Variants in AK3 observed in about 807,000 individuals in gnomAD.
The protein encoded by AK3 is adenylate kinase 3, also known as GTP:AMP phosphotransferase AK3, mitochondrial.
AK3 carries 27 observed loss-of-function variants against 23.7 expected under a neutral mutation model. The ratio of observed to expected loss-of-function variants is 1.14; its 90% CI spans 0.84 to 1.57. The LOEUF is 1.57. Among genes scored for constraint, AK3 ranks in the 40% most tolerant of loss-of-function variants. The pLI, the probability that AK3 is intolerant of heterozygous loss-of-function variation, is 0.00. For synonymous variants in AK3, 159 were observed against 116.0 expected (o/e 1.37, Z -2.38); for missense variants, 406 against 285.6 (o/e 1.42, Z -3.04).
chr9:4,741,567 G>A (rs886388783), upstream of AK3, among the ~76,000 whole-genome samples: 5 of 150,904 alleles, frequency 3.3e-5, no homozygotes, highest in Non-Finnish European at 5.9e-5. Flanking sequence ...GATAGACCGC[G>A]CTCCCCTCTG....
chr9:4,741,808 C>T (rs389445), upstream of AK3: 111,772 of 150,650 alleles, frequency 0.74, 43,240 homozygotes, highest in East Asian at 0.92. Flanking sequence ...TCGAATCCGC[C>T]CCTCCCTTCT....
chr9:4,720,647 T>C (rs464159), intron 2 of AK3, among the ~76,000 whole-genome samples: 51,993 of 149,354 alleles, frequency 0.35, 9,386 homozygotes, highest in Middle Eastern at 0.43. Context: ...CCATGATGAC[T>C]CCATTGCACT....
In AK3 at chr9:4,713,091, T is replaced by C. The variant is rs559439993; in HGVS notation, c.569A>G (p.Lys190Arg). Residue 190 changes from lysine to arginine, a missense_variant, in exon 5 of 5, where the codon AAA becomes AGA. Transcript: ENST00000381809. ...TKPVLEYYQK[K>R]GVLETFSGTE... is the part of the protein sequence containing the mutation. ...TCCGGAGAATGTTTCCAGCACCCCT[T>C]TTTTCCTAAAGATGAAACAAAAACA... 1.2e-6 allele frequency: 2 copies of C among 1,613,406 alleles called. No homozygotes were observed. Among genetic ancestry groups the C allele is most frequent in the South Asian group, 2.2e-5 (2 of 91,016 alleles).
intron 1 of AK3, among the ~76,000 whole-genome samples, chr9:4,723,241 A>G (rs892166394): frequency 5.3e-5 from 8 of 152,228 alleles, no homozygotes; most frequent in Middle Eastern, 3.2e-3. Flanking sequence ...TTGAAAATAT[A>G]TATGTACTTT....
intron 3 of AK3, 102 bp from the exon 4 acceptor site, chr9:4,718,639 C>G (rs1841803342): frequency 2.3e-6 from 2 of 882,862 alleles, no homozygotes; most frequent in Non-Finnish European, 3.5e-6. Flanking sequence ...GTGCAAGTGC[C>G]AAGCACAAAA....
At chr9:4,718,792 C>G in intron 3 of AK3, among the ~76,000 whole-genome samples, 1 of 152,134 alleles carries the variant, frequency 6.6e-6, no homozygotes, top group East Asian at 1.9e-4. Flanking sequence ...TAAGTAAGTT[C>G]ATATATATTC....
At chr9:4,724,231 A>C (rs1841969943) in intron 1 of AK3, among the ~76,000 whole-genome samples, 1 of 151,932 alleles carries the variant, frequency 6.6e-6, no homozygotes, top group Admixed American at 6.6e-5. Flanking sequence ...CTGGGGAGGG[A>C]CAGCTTCAAC....
In AK3 at chr9:4,710,444, C is replaced by A. The variant is rs1020986639; in HGVS notation, c.*2532G>T. ...CCGTGTTAGCCAGGATGGTCTCGAT[C>A]TCCTGACCTCGTGATCCGCCCGCCT... is the stretch of plus-strand genomic sequence containing the variant. On this transcript the variant is annotated 3_prime_UTR_variant, in exon 5 of 5. Coordinates refer to ENST00000381809, the MANE Select transcript of AK3 (RefSeq NM_016282.4). The A allele has an allele frequency of 6.7e-6, 1 of 148,864 alleles. No homozygotes were observed. Among genetic ancestry groups the A allele is most frequent in the African/African-American group, 2.5e-5 (1 of 40,636 alleles). The allele number at this position is 148,864 out of a possible 1,614,324, so 9.2% of individuals were successfully genotyped here. A position where few individuals can be genotyped will look rare whatever the true frequency, so the allele number is the denominator to read the frequency against.
At chr9:4,721,527 T>G (rs1009271736) in intron 2 of AK3, among the ~76,000 whole-genome samples, 1 of 151,642 alleles carries the variant, frequency 6.6e-6, no homozygotes, top group Non-Finnish European at 1.5e-5. Context: ...TGGGGCAATC[T>G]CGGTTCACCG....
chr9:4,724,803 G>T (rs1269446344), intron 1 of AK3, among the ~76,000 whole-genome samples: 1 of 149,036 alleles, frequency 6.7e-6, no homozygotes, highest in Non-Finnish European at 1.5e-5. Context: ...AAAAATCATA[G>T]AATTGAAAGT....
At chr9:4,734,822 A>C (rs1214352899) in intron 1 of AK3, among the ~76,000 whole-genome samples, 1 of 152,236 alleles carries the variant, frequency 6.6e-6, no homozygotes, top group Admixed American at 6.5e-5. Flanking sequence ...TCAGCGATAA[A>C]AAAGAATGAA....
intron 4 of AK3, among the ~76,000 whole-genome samples, chr9:4,715,584 A>G (rs1183865019): frequency 6.6e-6 from 1 of 151,834 alleles, no homozygotes; most frequent in African/African-American, 2.4e-5. Flanking sequence ...TGTTTTGTAG[A>G]GACAGAGTTT....
chr9:4,741,063 G>C lies in AK3; in HGVS notation c.25C>G (p.Arg9Gly). 1 of 1,555,580 alleles carries C rather than the reference G, an allele frequency of 6.4e-7. No homozygotes were observed. Among genetic ancestry groups the C allele is most frequent in the African/African-American group, 1.4e-5 (1 of 71,270 alleles). Residue 9 changes from arginine to glycine, a missense_variant, in exon 1 of 5, where the codon CGA becomes GGA. Arg to Gly is a moderately radical substitution (Grantham distance 125, BLOSUM62 -2). Transcript: ENST00000381809. MGASARLL[R>G]AVIMGAPGSG... is the part of the protein sequence containing the mutation. ...CCCGGGGCCCCCATGATCACCGCTC[G>C]CAGCAGCCGCGCGGACGCCCCCATG...
intron 1 of AK3, among the ~76,000 whole-genome samples, chr9:4,735,262 A>T (rs1287505400): frequency 8.5e-4 from 14 of 16,516 alleles, no homozygotes; most frequent in African/African-American, 4.9e-3. Flanking sequence ...TATATATATA[A>T]ATATATATAT....
chr9:4,730,144 A>C (rs1842119931), intron 1 of AK3, among the ~76,000 whole-genome samples: 1 of 152,190 alleles, frequency 6.6e-6, no homozygotes, highest in Admixed American at 6.5e-5. Context: ...AGAGATGGAA[A>C]GAAGATTAGT....
chr9:4,726,948 T>C (rs1474908567), intron 1 of AK3, among the ~76,000 whole-genome samples: 1 of 152,128 alleles, frequency 6.6e-6, no homozygotes, highest in African/African-American at 2.4e-5. Context: ...TGAATTTCCG[T>C]GTACATCTCC....
rs184005657 is a variant in AK3 at position 4,731,421 on chromosome 9, C to T, written c.152-8796G>A. Among the ~76,000 whole-genome samples the T allele has an allele frequency of 1.9e-3, 285 of 152,266 alleles. 2 individuals carry two copies. The highest frequency in any genetic ancestry group is 6.5e-3 in the African/African-American group (269 of 41,548). Reference sequence around the variant, plus strand: ...TGCTAAGGATAAAGGCCTCCAGCTCCATCCATGTCCCTGCAAAGGACGTAA... The same window carrying T: ...TGCTAAGGATAAAGGCCTCCAGCTCTATCCATGTCCCTGCAAAGGACGTAA... On this transcript the variant is annotated intron_variant, in intron 1 of 4. Transcript: ENST00000381809.
intron 4 of AK3, 88 bp downstream of exon 4, chr9:4,718,331 T>G (rs1841792224): frequency 3.1e-6 from 3 of 963,374 alleles, no homozygotes; most frequent in East Asian, 2.4e-5. Flanking sequence ...CTTTTGGCAT[T>G]TTAGCATTTC....
intron 4 of AK3, among the ~76,000 whole-genome samples, chr9:4,717,970 A>T (rs896954126): frequency 2.6e-5 from 4 of 152,198 alleles, no homozygotes; most frequent in Non-Finnish European, 5.9e-5. Flanking sequence ...TTCCCACCCC[A>T]ATGACTGGTT....
Sources: gnomAD v4.1 joint callset for allele counts (sites outside exome capture counted in the v4.1 genomes callset) on GRCh38, gnomAD v4.1.1 for gene constraint, MANE v1.5 for transcripts, NCBI Gene and HGNC (gene_info 2026-07-23, HGNC 2026-07-21) for gene names.